Variants in WWOX observed in about 807,000 individuals in gnomAD.
The protein encoded by WWOX is WW domain-containing oxidoreductase.
Under a neutral mutation model 46.2 loss-of-function variants are expected in WWOX, and 69 were observed. The ratio of observed to expected loss-of-function variants is 1.49; its 90% CI spans 1.23 to 1.82. The LOEUF is 1.82. Among genes scored for constraint, WWOX ranks in the 40% most tolerant of loss-of-function variants. The pLI, the probability that WWOX is intolerant of heterozygous loss-of-function variation, is 0.00. For synonymous variants in WWOX, 359 were observed against 202.6 expected (o/e 1.77, Z -6.56); for missense variants, 919 against 542.6 (o/e 1.69, Z -6.89).
rs67379862 is a variant in WWOX, at chr16:79,154,503, CAAAA to C, written c.1057-57091_1057-57088del. Among the ~76,000 whole-genome samples the C allele has an allele frequency of 5.5e-3, 484 of 88,154 alleles. 5 individuals carry two copies. Among genetic ancestry groups the C allele is most frequent in the African/African-American group, 0.016 (466 of 28,354 alleles). 57.8% of individuals were successfully genotyped at this position (88,154 alleles called of 152,430 possible). ...AATAATTTTTTAAAATCCTCTTTTG[CAAAA>C]AAAAAAAAAAAAAGAGGTGAATTTA... On this transcript the variant is annotated intron_variant, in intron 8 of 8. Transcript: ENST00000566780.
intron 5 of WWOX, among the ~76,000 whole-genome samples, chr16:78,175,719 C>G (rs1411938440): frequency 2.0e-5 from 3 of 152,180 alleles, no homozygotes; most frequent in African/African-American, 7.2e-5. Flanking sequence ...GCAGCTAAGC[C>G]ACTTCTGAAT....
At chr16:78,599,696 A>T (rs2045575407) in intron 8 of WWOX, among the ~76,000 whole-genome samples, 1 of 152,158 alleles carries the variant, frequency 6.6e-6, no homozygotes, top group Non-Finnish European at 1.5e-5. Flanking sequence ...AGGGACATCC[A>T]CAGATGCCTT....
chr16:78,403,673 CT>C (rs2082463435), intron 6 of WWOX, among the ~76,000 whole-genome samples: 1 of 152,208 alleles, frequency 6.6e-6, no homozygotes. Flanking sequence ...GTGCCAGGCC[CT>C]GGATGAGGCA....
intron 6 of WWOX, among the ~76,000 whole-genome samples, chr16:78,421,277 G>A (rs896628848): frequency 6.6e-6 from 1 of 152,136 alleles, no homozygotes; most frequent in Admixed American, 6.6e-5. Flanking sequence ...CTGGAGGCTG[G>A]AAGGAGCATC....
At chr16:78,733,858 G>T (rs985725266) in intron 8 of WWOX, among the ~76,000 whole-genome samples, 1 of 152,094 alleles carries the variant, frequency 6.6e-6, no homozygotes, top group Non-Finnish European at 1.5e-5. Context: ...TTGAGCCCAG[G>T]ATTTCGAGAC....
intron 5 of WWOX, among the ~76,000 whole-genome samples, chr16:78,334,142 G>A (rs941031728): frequency 2.6e-5 from 4 of 152,180 alleles, no homozygotes; most frequent in African/African-American, 7.2e-5. Flanking sequence ...AAAGTGGTTA[G>A]CCATACCTGG....
intron 8 of WWOX, among the ~76,000 whole-genome samples, chr16:78,813,190 G>A (rs925777189): frequency 4.6e-5 from 7 of 150,728 alleles, no homozygotes; most frequent in Non-Finnish European, 8.8e-5. Flanking sequence ...TATTGCTTCT[G>A]ATTTTTGTTG....
intron 8 of WWOX, among the ~76,000 whole-genome samples, chr16:79,139,311 A>G (rs1412844105): frequency 6.6e-6 from 1 of 152,210 alleles, no homozygotes; most frequent in Admixed American, 6.5e-5. Context: ...AATTCCAGCT[A>G]CAGAAGCAAA....
At chr16:79,007,660 G>T (rs1051872233) in intron 8 of WWOX, among the ~76,000 whole-genome samples, 3 of 152,308 alleles carry the variant, frequency 2.0e-5, no homozygotes, top group Middle Eastern at 6.8e-3. Flanking sequence ...AGAGTTATAA[G>T]GAAAGCACTG....
In WWOX at chr16:78,914,210, C is replaced by G. The variant is rs1422179978; in HGVS notation, c.1057-297398C>G. ...TTCTCTGTCTAGCACTTATCACTAT[C>G]TGATATTTTCTGTCTATCCATCCGT... On this transcript the variant is annotated intron_variant, in intron 8 of 8. Transcript: ENST00000566780. Among the ~76,000 whole-genome samples, 9 of 152,044 alleles carry G rather than the reference C, an allele frequency of 5.9e-5. No individual in the cohort carries two copies. In the South Asian group the frequency reaches 1.0e-3, roughly 17 times the overall value.
At chr16:78,867,953 A>G (rs2044042535) in intron 8 of WWOX, among the ~76,000 whole-genome samples, 1 of 152,220 alleles carries the variant, frequency 6.6e-6, no homozygotes. Flanking sequence ...GTAAAATGGT[A>G]CAATGAATTT....
At chr16:78,556,998 G>A (rs563533578) in intron 8 of WWOX, among the ~76,000 whole-genome samples, 2 of 152,204 alleles carry the variant, frequency 1.3e-5, no homozygotes, top group South Asian at 2.1e-4. Context: ...GGATTAAGGC[G>A]TGAGCCACCG....
At chr16:78,151,774 C>T (rs2034415870) in intron 4 of WWOX, among the ~76,000 whole-genome samples, 1 of 152,194 alleles carries the variant, frequency 6.6e-6, no homozygotes, top group South Asian at 2.1e-4. Flanking sequence ...TTATGAAATG[C>T]ACAAGAAGTT....
intron 4 of WWOX, among the ~76,000 whole-genome samples, chr16:78,139,428 G>C (rs1235378092): frequency 6.6e-6 from 1 of 152,190 alleles, no homozygotes; most frequent in Non-Finnish European, 1.5e-5. Context: ...GGTGAATCAT[G>C]AGGTCAAGGG....
intron 8 of WWOX, among the ~76,000 whole-genome samples, chr16:79,147,970 A>G (rs1278176185): frequency 6.6e-6 from 1 of 151,842 alleles, no homozygotes; most frequent in Non-Finnish European, 1.5e-5. Context: ...TATTCTAGTT[A>G]TTGGTTCTTT....
At chr16:79,191,303 G>A (rs2051131593) in intron 8 of WWOX, among the ~76,000 whole-genome samples, 2 of 151,844 alleles carry the variant, frequency 1.3e-5, no homozygotes, top group Non-Finnish European at 1.5e-5. Flanking sequence ...CAATCTGCCC[G>A]CCTCTGCCTC....
chr16:79,096,973 G>GA (rs892730244), intron 8 of WWOX, among the ~76,000 whole-genome samples: 4 of 152,132 alleles, frequency 2.6e-5, no homozygotes, highest in Non-Finnish European at 4.4e-5. Context: ...AAGAAGCCAG[G>GA]AAGGGGGCAT....
At chr16:78,615,830 A>G (rs967078973) in intron 8 of WWOX, among the ~76,000 whole-genome samples, 3 of 151,280 alleles carry the variant, frequency 2.0e-5, no homozygotes, top group African/African-American at 7.3e-5. Context: ...CGCTCACTGT[A>G]AGCTCCGCCT....
At chr16:78,855,937 TC>T (rs1393845269) in intron 8 of WWOX, among the ~76,000 whole-genome samples, 1 of 152,150 alleles carries the variant, frequency 6.6e-6, no homozygotes, top group East Asian at 1.9e-4. Context: ...TGGGAACAAA[TC>T]AATCAAAATG....
Sources: allele counts gnomAD v4.1 joint callset (sites outside exome capture counted in the v4.1 genomes callset), GRCh38; gene constraint gnomAD v4.1.1; transcripts MANE v1.5; gene names NCBI Gene and HGNC (gene_info 2026-07-23, HGNC 2026-07-21).